The following SPAG9 variants were observed in gnomAD, a reference collection of about 807,000 sequenced individuals.
SPAG9 encodes sperm associated antigen 9.
Under a neutral mutation model 166.5 loss-of-function variants are expected in SPAG9, and 35 were observed. The observed-to-expected ratio is 0.21, with a 90% confidence interval of 0.16 to 0.28. The LOEUF (loss-of-function observed/expected upper bound fraction) is 0.28. Among genes scored for constraint, SPAG9 ranks in the 10% least tolerant of loss-of-function variants. The pLI is 1.00. For synonymous variants in SPAG9, 534 were observed against 565.5 expected, an observed-to-expected ratio of 0.94 and a Z score of 0.79; for missense variants, 1,235 against 1,603.3, an observed-to-expected ratio of 0.77 and a Z score of 3.92.
intron 5 of SPAG9, among the ~76,000 whole-genome samples, chr17:51,034,026 G>C (rs898580192): frequency 1.3e-5 from 2 of 152,124 alleles, no homozygotes; most frequent in African/African-American, 4.8e-5. Flanking sequence ...CAACACAATA[G>C]AATCTTTACC....
intron 28 of SPAG9, among the ~76,000 whole-genome samples, chr17:50,972,515 A>C (rs1399120138): frequency 6.6e-6 from 1 of 152,250 alleles, no homozygotes; most frequent in Non-Finnish European, 1.5e-5. Context: ...AGAAACCTTT[A>C]AATATTATTC....
At chr17:51,085,367 G>A (rs2048279157) in intron 1 of SPAG9, 1 of 152,208 alleles carries the variant, frequency 6.6e-6, no homozygotes, top group African/African-American at 2.4e-5. Flanking sequence ...AGCTTCAGAA[G>A]ATGGATACCA....
intron 2 of SPAG9, among the ~76,000 whole-genome samples, chr17:51,074,432 T>C (rs577139291): frequency 6.6e-6 from 1 of 152,202 alleles, no homozygotes; most frequent in South Asian, 2.1e-4. Flanking sequence ...AATAACTCAG[T>C]TCATAGAAAA....
chr17:50,982,753 A>G, intron 24 of SPAG9, 81 bp from the exon 25 acceptor site: 2 of 1,261,498 alleles, frequency 1.6e-6, no homozygotes, highest in East Asian at 2.4e-5. Flanking sequence ...TATTTGTTGT[A>G]TAATTAAATT....
intron 1 of SPAG9, among the ~76,000 whole-genome samples, chr17:51,111,593 A>G (rs991142975): frequency 1.3e-5 from 2 of 151,048 alleles, no homozygotes; most frequent in Non-Finnish European, 3.0e-5. Context: ...CTCTTTTGTG[A>G]TTTTTTTTTG....
intron 9 of SPAG9, among the ~76,000 whole-genome samples, chr17:51,013,722 T>C (rs1299150329): frequency 1.3e-5 from 2 of 152,206 alleles, no homozygotes; most frequent in African/African-American, 2.4e-5. Flanking sequence ...TGTATTCTTC[T>C]AGAACACAAA....
At chr17:50,997,063 C>T (rs1298790227) in intron 15 of SPAG9, among the ~76,000 whole-genome samples, 1 of 152,172 alleles carries the variant, frequency 6.6e-6, no homozygotes, top group African/African-American at 2.4e-5. Context: ...TCATTTGAAC[C>T]CGGTGGAGGT....
At chr17:51,010,949 T>C (rs1435865912) in intron 9 of SPAG9, among the ~76,000 whole-genome samples, 1 of 151,952 alleles carries the variant, frequency 6.6e-6, no homozygotes, top group Non-Finnish European at 1.5e-5. Flanking sequence ...TTAAACAAAG[T>C]ATCAGGCCTA....
At chr17:50,977,066 TCTC>T (rs1209853833) in intron 27 of SPAG9, 39 bp downstream of exon 27, 4 of 1,194,650 alleles carry the variant, frequency 3.3e-6, no homozygotes, top group Non-Finnish European at 5.0e-6. Context: ...TTCCTATAAT[TCTC>T]CTATTTGTTC....
rs940707790 is a variant in SPAG9 at position 51,014,854 on chromosome 17, G to GT, written c.1092-502dup. On this transcript the variant is annotated intron_variant, in intron 8 of 29. Transcript: ENST00000262013. Reference sequence around the variant, plus strand: ...AACTAAAGAAACCCATGATACAAAGGTTTTTTTTTTTAATCAAGTTGCAAA... The same window carrying GT: ...AACTAAAGAAACCCATGATACAAAGGTTTTTTTTTTTTAATCAAGTTGCAAA... Among the ~76,000 whole-genome samples the GT allele has an allele frequency of 4.8e-4, 70 of 145,298 alleles. 1 individual carries two copies. The highest frequency in any genetic ancestry group is 9.7e-4 in the Admixed American group (14 of 14,464).
chr17:51,078,456 GGTGTC>G (rs1343537801), intron 2 of SPAG9, among the ~76,000 whole-genome samples: 18 of 152,120 alleles, frequency 1.2e-4, no homozygotes, highest in Non-Finnish European at 2.9e-5. Flanking sequence ...CTTTATAGCT[GGTGTC>G]ACTATGTAGC....
At position 51,120,468 on chromosome 17, in the gene SPAG9, C is replaced by G. The variant is rs1568106696; in HGVS notation, c.189G>C (p.Ser63=). ...GGTGCTCCTGGTCCTGCGCGAACAC[C>G]GAGTCCAGGTTCTCCAGCACAGCCA... ...LVVAVLENLD[S]VFAQDQEHQV... Residue 63 remains serine, a synonymous_variant, in exon 1 of 30, where the codon TCG becomes TCC. Transcript: ENST00000262013. The surrounding 1 kb of genome is among the most constrained non-coding windows in gnomAD (Gnocchi z 4.7). The G allele has an allele frequency of 6.2e-7, 1 of 1,613,990 alleles. No homozygotes were observed. Among genetic ancestry groups the G allele is most frequent in the Non-Finnish European group, 8.5e-7 (1 of 1,179,910 alleles).
chr17:51,017,556 G>A (rs547342396), intron 8 of SPAG9, among the ~76,000 whole-genome samples: 2 of 152,016 alleles, frequency 1.3e-5, no homozygotes, highest in African/African-American at 4.8e-5. Context: ...GAGAGACAGA[G>A]GGTTCTGGAT....
At chr17:51,083,535 C>A (rs1056097440) in intron 1 of SPAG9, among the ~76,000 whole-genome samples, 2 of 130,680 alleles carry the variant, frequency 1.5e-5, no homozygotes, top group East Asian at 2.2e-4. Context: ...CCACACACAG[C>A]CTCTTTATTT....
chr17:51,094,402 A>G (rs1180590599), intron 1 of SPAG9, among the ~76,000 whole-genome samples: 1 of 152,236 alleles, frequency 6.6e-6, no homozygotes, highest in Non-Finnish European at 1.5e-5. Flanking sequence ...TCAGAGACCA[A>G]AGAAAAGTCA....
At chr17:51,037,691 T>TATATATATATATATATATATATATATA (rs1179792305) in intron 5 of SPAG9, among the ~76,000 whole-genome samples, 77 of 90,272 alleles carry the variant, frequency 8.5e-4, no homozygotes, top group Admixed American at 2.0e-3. Context: ...ATATAGTGTG[T>TATATATATATATATATATATATATATA]GTGTGTGTGT....
chr17:51,028,080 ATT>A (rs375673920), intron 6 of SPAG9, among the ~76,000 whole-genome samples: 12 of 151,000 alleles, frequency 7.9e-5, no homozygotes, highest in African/African-American at 2.7e-4. Flanking sequence ...AAAAAAAAAA[ATT>A]TTTTTTAAAT....
chr17:51,065,738 T>C (rs1228133021), intron 2 of SPAG9, among the ~76,000 whole-genome samples: 4 of 152,194 alleles, frequency 2.6e-5, no homozygotes, highest in African/African-American at 9.6e-5. Context: ...AGCCTCTGAC[T>C]GACTTATAGC....
At chr17:51,000,743 CAATA>C (rs1456231186) in intron 13 of SPAG9, among the ~76,000 whole-genome samples, 9 of 117,662 alleles carry the variant, frequency 7.6e-5, no homozygotes, top group Admixed American at 6.8e-4. Flanking sequence ...GACTCCATCT[CAATA>C]AATGAATGAA....
Sources: allele counts gnomAD v4.1 joint callset (sites outside exome capture counted in the v4.1 genomes callset), GRCh38; gene constraint gnomAD v4.1.1; non-coding constraint Gnocchi (gnomAD v3.1); transcripts MANE v1.5; gene names NCBI Gene and HGNC (gene_info 2026-07-23, HGNC 2026-07-21).